Variants in NAALADL2 observed in about 807,000 individuals in gnomAD.
NAALADL2 encodes the protein inactive N-acetylated-alpha-linked acidic dipeptidase-like protein 2.
A neutral mutation model predicts 87.2 loss-of-function variants in NAALADL2; 76 were observed. That is an observed-to-expected ratio of 0.87 (90% CI 0.72 to 1.05). The LOEUF is 1.05. NAALADL2 is among the 50% of genes least tolerant of loss of function. The probability of loss-of-function intolerance (pLI) is 0.00; values close to 1 mark genes in which losing one functional copy is unlikely to be tolerated. For synonymous variants in NAALADL2, 354 were observed against 331.0 expected, an observed-to-expected ratio of 1.07 and a Z score of -0.75; for missense variants, 1,089 against 945.8, an observed-to-expected ratio of 1.15 and a Z score of -1.99.
intron 2 of NAALADL2, among the ~76,000 whole-genome samples, chr3:175,225,503 A>G (rs1168894526): frequency 1.3e-5 from 2 of 152,120 alleles, no homozygotes; most frequent in African/African-American, 2.4e-5. Flanking sequence ...GAAAGAGATT[A>G]ATAATCTTTG....
chr3:175,581,390 C>T (rs559529204), intron 10 of NAALADL2, among the ~76,000 whole-genome samples: 2 of 152,240 alleles, frequency 1.3e-5, no homozygotes, highest in Admixed American at 1.3e-4. Context: ...TGCAGTGAGC[C>T]GAGATGGCGC....
Position 175,463,412 on chromosome 3 carries a change from G to T in NAALADL2, c.1246G>T (p.Val416Phe), listed in dbSNP as rs144915385. The T allele has an allele frequency of 1.3e-6, 2 of 1,581,884 alleles. No individual in the cohort carries two copies. The highest frequency in any genetic ancestry group is 2.3e-5 in the East Asian group (1 of 43,956). The change falls in exon 7 of 14, where the codon GTC (valine) becomes TTC (phenylalanine). Residue 416 changes from valine (V) to phenylalanine (F), a missense_variant. Coordinates refer to ENST00000454872, the MANE Select transcript of NAALADL2 (RefSeq NM_207015.3). ...TTTTATTTTTTCAGAAATAAGAGTC[G>T]TCAGCATGCAAGTTCAGACAGTCAC... ...LELPNNEIRV[V>F]SMQVQTVTKL...
chr3:175,677,589 T>G (rs1284785038), intron 11 of NAALADL2, among the ~76,000 whole-genome samples: 1 of 151,764 alleles, frequency 6.6e-6, no homozygotes. Flanking sequence ...ATTGGTAATT[T>G]ATCCTTCATT....
intron 5 of NAALADL2, among the ~76,000 whole-genome samples, chr3:175,328,078 A>C (rs1363308359): frequency 1.3e-5 from 2 of 152,168 alleles, no homozygotes; most frequent in African/African-American, 4.8e-5. Context: ...GGGGGTATAC[A>C]TTATTGTATT....
At chr3:174,868,847 G>A (rs1043136736) in intron 1 of NAALADL2, among the ~76,000 whole-genome samples, 4 of 152,114 alleles carry the variant, frequency 2.6e-5, no homozygotes, top group Non-Finnish European at 5.9e-5. Context: ...CCTTGGGAGA[G>A]AGAGAAATAG....
In NAALADL2 at chr3:175,713,011, A is replaced by G. The variant is rs1740736151; in HGVS notation, c.1897-24295A>G. 2.6e-5 allele frequency among the ~76,000 whole-genome samples: 4 copies of G among 152,204 alleles called. No individual in the cohort carries two copies. In the South Asian group the frequency reaches 8.3e-4, roughly 32 times the overall value. On this transcript the variant is annotated intron_variant, in intron 11 of 13. Transcript: ENST00000454872. ...TAAAGTCTTAAAATCTGTGCCCTTA[A>G]TCTAAATGCTGTAATAGTAGCTGTG...
chr3:174,532,411 A>G (rs950892156), intron 1 of NAALADL2, among the ~76,000 whole-genome samples: 1 of 152,144 alleles, frequency 6.6e-6, no homozygotes, highest in Non-Finnish European at 1.5e-5. Context: ...AGTCTTATAA[A>G]TATTTGAGTA....
rs919355779 is a variant in NAALADL2 at position 175,527,068 on chromosome 3, A to C, written c.1654-48973A>C. Among the ~76,000 whole-genome samples the C allele has an allele frequency of 2.6e-5, 4 of 152,224 alleles. No homozygotes were observed. In the East Asian group the frequency reaches 7.7e-4, roughly 29 times the overall value. ...AATGAATGGAGCCTGAGGGCTTGTC[A>C]TCTGAGCCCCCAGGTAGAGAGGATC... On this transcript the variant is annotated intron_variant, in intron 9 of 13. Coordinates refer to ENST00000454872, the MANE Select transcript of NAALADL2 (RefSeq NM_207015.3).
chr3:175,268,731 G>A (rs1037803229), intron 4 of NAALADL2, among the ~76,000 whole-genome samples: 1 of 151,370 alleles, frequency 6.6e-6, no homozygotes, highest in Non-Finnish European at 1.5e-5. Flanking sequence ...TAAACTTTTT[G>A]GTTAAAAACT....
intron 1 of NAALADL2, among the ~76,000 whole-genome samples, chr3:174,970,492 A>G (rs561821949): frequency 6.6e-6 from 1 of 152,288 alleles, no homozygotes; most frequent in South Asian, 2.1e-4. Flanking sequence ...AATTATAATA[A>G]TTAGAAGTAG....
rs1032714532 is a variant in NAALADL2 at position 174,865,181 on chromosome 3, T to C, written c.43+5731T>C. Among the ~76,000 whole-genome samples the C allele has an allele frequency of 3.3e-5, 5 of 151,958 alleles. No homozygotes were observed. In the East Asian group the frequency reaches 9.6e-4, roughly 29 times the overall value. ...TGATTAGTGTAATGCAGGTTGTATA[T>C]TGTGTCCAAAAAAAAATAATAAAGT... On this transcript the variant is annotated intron_variant, in intron 1 of 13. Transcript: ENST00000454872.
chr3:175,225,907 A>G (rs905451506), intron 2 of NAALADL2, among the ~76,000 whole-genome samples: 1 of 152,108 alleles, frequency 6.6e-6, no homozygotes, highest in Non-Finnish European at 1.5e-5. Context: ...CAAGAGTGAA[A>G]GATGTAGAGT....
At chr3:175,468,121 A>G (rs892164302) in intron 8 of NAALADL2, among the ~76,000 whole-genome samples, 3 of 151,952 alleles carry the variant, frequency 2.0e-5, no homozygotes, top group African/African-American at 7.3e-5. Flanking sequence ...TATCTATTAA[A>G]TCAAAGAAAA....
At chr3:175,575,042 A>C (rs1362764181) in intron 9 of NAALADL2, among the ~76,000 whole-genome samples, 1 of 152,158 alleles carries the variant, frequency 6.6e-6, no homozygotes, top group Middle Eastern at 3.2e-3. Flanking sequence ...TATTAATTAT[A>C]AAACCCTTTA....
chr3:175,570,582 GA>G lies in NAALADL2; in HGVS notation c.1654-5456del. 2.6e-5 allele frequency among the ~76,000 whole-genome samples: 4 copies of G among 152,168 alleles called. 1 individual carries two copies. The highest frequency in any genetic ancestry group is 2.6e-4 in the Admixed American group (4 of 15,286). On this transcript the variant is annotated intron_variant, in intron 9 of 13. Transcript: ENST00000454872. ...TACAAGACTATAACTGAAACGAAAA[GA>G]AAGTGACTTAATTTTGGCTGGGCGA...
chr3:174,584,393 T>C (rs1184266388), intron 2 of NAALADL2, among the ~76,000 whole-genome samples: 4 of 152,204 alleles, frequency 2.6e-5, no homozygotes, highest in African/African-American at 9.6e-5. Flanking sequence ...TTCAACCTTC[T>C]ACAAGTGAAA....
rs755606714 is a variant in NAALADL2 at position 175,737,342 on chromosome 3, C to T, written c.1933C>T (p.Pro645Ser). 2.5e-6 allele frequency: 4 copies of T among 1,612,482 alleles called. No homozygotes were observed. Among genetic ancestry groups the T allele is most frequent in the Non-Finnish European group, 3.4e-6 (4 of 1,178,716 alleles). ...AGTGATTTTGCAAATTGCCAACGAA[C>T]CTGTTCTGCCCTTTAATGCACTTGA... ...GEVILQIANE[P>S]VLPFNALDIA... Residue 645 changes from proline to serine, a missense_variant, in exon 12 of 14, where the codon CCT (proline) becomes TCT (serine). Physicochemically the swap from Pro to Ser is moderately conservative, Grantham distance 74. Transcript: ENST00000454872.
At chr3:175,717,886 C>G (rs1321100524) in intron 11 of NAALADL2, among the ~76,000 whole-genome samples, 1 of 149,202 alleles carries the variant, frequency 6.7e-6, no homozygotes, top group Admixed American at 6.7e-5. Context: ...CTTGGCCCAC[C>G]GCAACCTTCA....
chr3:175,784,279 TAGC>T (rs1315578847), intron 13 of NAALADL2, among the ~76,000 whole-genome samples: 2 of 152,058 alleles, frequency 1.3e-5, no homozygotes, highest in African/African-American at 4.8e-5. Flanking sequence ...GAAGGAATGG[TAGC>T]AGTTCCTCCT....
Sources: gnomAD v4.1 joint callset for allele counts (sites outside exome capture counted in the v4.1 genomes callset) on GRCh38, gnomAD v4.1.1 for gene constraint, MANE v1.5 for transcripts, NCBI Gene and HGNC (gene_info 2026-07-23, HGNC 2026-07-21) for gene names.